Variants in NKTR observed in about 807,000 individuals in gnomAD.
NKTR encodes NK-tumor recognition protein.
In NKTR, 67 loss-of-function variants were observed where a neutral mutation model predicts 156.3. The ratio of observed to expected loss-of-function variants is 0.43; its 90% CI spans 0.35 to 0.53. The LOEUF (loss-of-function observed/expected upper bound fraction) is 0.53. NKTR is among the 20% of genes least tolerant of loss of function. The pLI is 0.01. For synonymous variants in NKTR, 640 were observed against 596.6 expected, an observed-to-expected ratio of 1.07 and a Z score of -1.06; for missense variants, 1,604 against 1,730.9, an observed-to-expected ratio of 0.93 and a Z score of 1.30.
Position 42,643,905 on chromosome 3 carries a change from C to G in NKTR, c.4203C>G (p.Ser1401=). Residue 1401 remains serine (S), a synonymous_variant, in exon 16 of 17, where the codon TCC becomes TCG. Transcript: ENST00000232978. The part of the protein sequence containing the change: ...SSYDPHSRSR[S]YTYDSYYSRS... ...TTTGTTGTTGCCGTTAAAGCAGGTCCTACACCTACGATAGCTACTATAGCA... is the reference window on the plus strand; with the variant it reads ...TTTGTTGTTGCCGTTAAAGCAGGTCGTACACCTACGATAGCTACTATAGCA... 1 of 1,612,718 alleles carries G rather than the reference C, an allele frequency of 6.2e-7. No homozygotes were observed. The highest frequency in any genetic ancestry group is 8.5e-7 in the Non-Finnish European group (1 of 1,178,920).
intron 2 of NKTR, among the ~76,000 whole-genome samples, chr3:42,610,353 A>G (rs961600379): frequency 6.6e-6 from 1 of 152,182 alleles, no homozygotes; most frequent in Non-Finnish European, 1.5e-5. Context: ...AGTGATGCTA[A>G]CAACTACTTT....
chr3:42,636,090 C>T lies in NKTR; in HGVS notation c.1163+724C>T, dbSNP rs79665699. Among the ~76,000 whole-genome samples, 614 of 152,212 alleles carry T rather than the reference C, an allele frequency of 4.0e-3. 1 individual carries two copies. Among genetic ancestry groups the T allele is most frequent in the Non-Finnish European group, 5.4e-3 (366 of 68,010 alleles). ...ATCTCTTACCTTCAGTGATGTCCCACAGTTGAATATTTATTTTAGGAAGGG... is the reference window on the plus strand; with the variant it reads ...ATCTCTTACCTTCAGTGATGTCCCATAGTTGAATATTTATTTTAGGAAGGG... On this transcript the variant is annotated intron_variant, in intron 12 of 16. Coordinates refer to ENST00000232978, the MANE Select transcript of NKTR (RefSeq NM_005385.4).
rs1444080575 is a variant in NKTR, at chr3:42,637,047, G to A, written c.1343G>A (p.Cys448Tyr). Residue 448 changes from cysteine (C) to tyrosine (Y), a missense_variant, in exon 13 of 17, where the codon TGC (cysteine) becomes TAC (tyrosine). By Grantham distance (194) the Cys-to-Tyr change is radical. Coordinates refer to ENST00000232978, the MANE Select transcript of NKTR (RefSeq NM_005385.4). ...AAGAAAGGGAAAAAGCAGAAACACT[G>A]CAGAAGACACAAACAAACAAAGAAG... The part of the protein sequence containing the change: ...HKKKGKKQKH[C>Y]RRHKQTKKRR... 4.4e-6 allele frequency: 7 copies of A among 1,607,396 alleles called. No homozygotes were observed. In the South Asian group the frequency reaches 6.7e-5, roughly 15 times the overall value.
intron 6 of NKTR, among the ~76,000 whole-genome samples, chr3:42,624,002 A>G (rs1708146644): frequency 2.0e-5 from 3 of 152,172 alleles, no homozygotes; most frequent in Non-Finnish European, 1.5e-5. Flanking sequence ...GGTATTTGCA[A>G]GACATCCCTC....
chr3:42,634,990 C>A (rs1355466917), intron 11 of NKTR: 4 of 448,080 alleles, frequency 8.9e-6, no homozygotes, highest in Non-Finnish European at 1.6e-5. Flanking sequence ...GAATCTCAGC[C>A]TTGCCCATCT....
rs1480243638 is a variant in NKTR at position 42,623,029 on chromosome 3, ACT to A, written c.374+1515_374+1516del. Among the ~76,000 whole-genome samples the A allele has an allele frequency of 8.5e-5, 13 of 152,106 alleles. No homozygotes were observed. In the East Asian group the frequency reaches 2.5e-3, roughly 29 times the overall value. ...TTGTTCATAAAATGTTAGAGTTAAAACTCATTAAAAATGCTATCGTTAAACAT... is the reference window on the plus strand; with the variant it reads ...TTGTTCATAAAATGTTAGAGTTAAAACATTAAAAATGCTATCGTTAAACAT... On this transcript the variant is annotated intron_variant, in intron 6 of 16. Coordinates refer to ENST00000232978, the MANE Select transcript of NKTR (RefSeq NM_005385.4).
At chr3:42,600,939 C>CCTCGCCCCT in intron 1 of NKTR, 45 bp from the exon 2 acceptor site, 1 of 1,254,940 alleles carries the variant, frequency 8.0e-7, no homozygotes, top group Non-Finnish European at 1.1e-6. Context: ...CCCTCGCCCC[C>CCTCGCCCCT]GCCCTCGCCC....
intron 13 of NKTR, among the ~76,000 whole-genome samples, chr3:42,641,370 G>A (rs1296376915): frequency 6.6e-6 from 1 of 152,162 alleles, no homozygotes; most frequent in Admixed American, 6.5e-5. Flanking sequence ...AACCTATGGT[G>A]ATATTACATA....
chr3:42,617,471 A>G (rs1707486330), intron 2 of NKTR, 99 bp from the exon 3 acceptor site: 1 of 634,838 alleles, frequency 1.6e-6, no homozygotes, highest in Non-Finnish European at 2.8e-6. Flanking sequence ...ATGAATTACA[A>G]AAATAGACTT....
intron 2 of NKTR, among the ~76,000 whole-genome samples, chr3:42,610,241 T>C (rs1706649449): frequency 1.3e-5 from 2 of 152,078 alleles, no homozygotes; most frequent in South Asian, 4.2e-4. Context: ...CGACCTCAGG[T>C]GATCCGCGCC....
At chr3:42,643,236 C>T in intron 14 of NKTR, 103 bp from the exon 15 acceptor site, 1 of 823,598 alleles carries the variant, frequency 1.2e-6, no homozygotes, top group Admixed American at 2.3e-5. Context: ...TGTGGGATTT[C>T]ACTGTATTTT....
intron 12 of NKTR, chr3:42,635,617 T>C (rs771188768): frequency 3.7e-6 from 1 of 271,978 alleles, no homozygotes; most frequent in Non-Finnish European, 6.9e-6. Context: ...TAGTCAATTT[T>C]AGAAATAATT....
intron 3 of NKTR, among the ~76,000 whole-genome samples, chr3:42,618,646 C>T (rs1261466192): frequency 2.0e-5 from 3 of 151,988 alleles, no homozygotes; most frequent in Non-Finnish European, 4.4e-5. Context: ...CAGAATTTCA[C>T]CCTGTTGGCC....
At chr3:42,642,702 T>A in intron 14 of NKTR, 106 bp downstream of exon 14, 1 of 778,522 alleles carries the variant, frequency 1.3e-6, no homozygotes, top group Non-Finnish European at 2.3e-6. Flanking sequence ...CATTACTGAA[T>A]ATACTACTGG....
At chr3:42,635,443 C>T in intron 12 of NKTR, 77 bp downstream of exon 12, 2 of 1,143,492 alleles carry the variant, frequency 1.7e-6, no homozygotes, top group Non-Finnish European at 2.4e-6. Flanking sequence ...CAATTCTGGA[C>T]TTTTCATTAA....
At chr3:42,613,352 C>T (rs1367616048) in intron 2 of NKTR, among the ~76,000 whole-genome samples, 1 of 152,030 alleles carries the variant, frequency 6.6e-6, no homozygotes, top group Non-Finnish European at 1.5e-5. Context: ...GTAAATGGCC[C>T]GATGTTATGC....
Position 42,648,644 on chromosome 3 carries a change from A to G in NKTR, c.*2669A>G, listed in dbSNP as rs1316453396. The G allele has an allele frequency of 6.5e-6, 1 of 152,684 alleles. No individual in the cohort carries two copies. The highest frequency in any genetic ancestry group is 1.5e-5 in the Non-Finnish European group (1 of 68,042). The allele number at this position is 152,684 out of a possible 1,614,324, so 9.5% of individuals were successfully genotyped here. ...AACTGTATAAAATACTTTTGTACATATTAGCAATGTCTAATTTGTATACAC... is the reference window on the plus strand; with the variant it reads ...AACTGTATAAAATACTTTTGTACATGTTAGCAATGTCTAATTTGTATACAC... On this transcript the variant is annotated 3_prime_UTR_variant, in exon 17 of 17. Transcript: ENST00000232978.
chr3:42,638,516 A>G lies in NKTR; in HGVS notation c.2812A>G (p.Asn938Asp), dbSNP rs781517463. The G allele has an allele frequency of 6.2e-7, 1 of 1,611,942 alleles. No individual in the cohort carries two copies. The highest frequency in any genetic ancestry group is 2.2e-5 in the East Asian group (1 of 44,872). Residue 938 changes from asparagine to aspartate, a missense_variant, in exon 13 of 17, where the codon AAT becomes GAT. Coordinates refer to ENST00000232978, the MANE Select transcript of NKTR (RefSeq NM_005385.4). ...CAAACCCACAACCAAGTCGTCCACAAATACTTCACTGCCTGATGATAATGG... is the reference window on the plus strand; with the variant it reads ...CAAACCCACAACCAAGTCGTCCACAGATACTTCACTGCCTGATGATAATGG... ...KVKPTTKSST[N>D]TSLPDDNGAW... is the part of the protein sequence containing the mutation.
chr3:42,635,316 A>G lies in NKTR; in HGVS notation c.1113A>G (p.Arg371=), dbSNP rs1255582397. 32 of 1,613,582 alleles carry G rather than the reference A, an allele frequency of 2.0e-5. No homozygotes were observed. The highest frequency in any genetic ancestry group is 2.6e-5 in the Non-Finnish European group (31 of 1,179,714). The change falls in exon 12 of 17, where the codon AGA becomes AGG. Residue 371 remains arginine (R), a synonymous_variant. Transcript: ENST00000232978. ...TPPHWKEEMQ[R]LRAYRPPSGE... The stretch of plus-strand genomic sequence containing the variant: ...CTCACTGGAAAGAGGAAATGCAGAG[A>G]TTAAGAGCATATAGACCACCTAGTG...
Sources: gnomAD v4.1 joint callset for allele counts (sites outside exome capture counted in the v4.1 genomes callset) on GRCh38, gnomAD v4.1.1 for gene constraint, MANE v1.5 for transcripts, NCBI Gene and HGNC (gene_info 2026-07-23, HGNC 2026-07-21) for gene names.